COL4A6: variants seen among roughly 807,000 people sequenced by gnomAD.
The protein encoded by COL4A6 is collagen alpha-6(IV) chain.
In COL4A6, 59 loss-of-function variants were observed where a neutral mutation model predicts 126.7. That is an observed-to-expected ratio of 0.47 (90% CI 0.38 to 0.58). The LOEUF is 0.58. Ranked by LOEUF, COL4A6 falls within the 20% of genes least tolerant of loss-of-function variation. The pLI is 0.00. For synonymous variants in COL4A6, 547 were observed against 496.6 expected (o/e 1.10, Z -1.35); for missense variants, 1,285 against 1,337.3 (o/e 0.96, Z 0.61).
chrX:108,394,567 A>G (rs1349735393), intron 2 of COL4A6, among the ~76,000 whole-genome samples: 1 of 112,021 alleles, frequency 8.9e-6, no homozygotes, highest in African/African-American at 3.2e-5. Flanking sequence ...TCTTATTTTT[A>G]GCCTGTTCAT....
chrX:108,335,288 T>C (rs1205844717), intron 2 of COL4A6, among the ~76,000 whole-genome samples: 2 of 112,031 alleles, frequency 1.8e-5, no homozygotes, highest in East Asian at 5.6e-4. Context: ...CCTTATCCCA[T>C]CTATTATTCA....
At chrX:108,425,727 C>CACACAA (rs1290559323) in intron 2 of COL4A6, among the ~76,000 whole-genome samples, 1 of 106,147 alleles carries the variant, frequency 9.4e-6, no homozygotes. Context: ...GCACAACACA[C>CACACAA]ACACAAACAC....
intron 2 of COL4A6, among the ~76,000 whole-genome samples, chrX:108,420,161 C>T (rs2041506642): frequency 9.0e-6 from 1 of 111,626 alleles, no homozygotes; most frequent in Non-Finnish European, 1.9e-5. Flanking sequence ...TAGGATAATA[C>T]TTGATGTCCC....
In COL4A6 at chrX:108,161,722, T is replaced by C. The variant is rs1233024370; in HGVS notation, c.4230A>G (p.Leu1410=). The C allele has an allele frequency of 1.7e-6, 2 of 1,199,993 alleles. No individual in the cohort carries two copies. The change falls in exon 42 of 45, where the codon TTA becomes TTG. Residue 1410 remains leucine (L), a synonymous_variant. Transcript: ENST00000334504. ...GPVGLQGSKG[L]PGIPGKDGPS... ...GGCCATCTTTACCGGGGATGCCAGG[T>C]AAACCTTTGGAGCCTGCAGGAGAGA...
At chrX:108,248,292 G>A (rs928246905) in intron 3 of COL4A6, among the ~76,000 whole-genome samples, 4 of 111,397 alleles carry the variant, frequency 3.6e-5, no homozygotes, top group African/African-American at 9.8e-5. Context: ...GATCAAAAAG[G>A]TTTTGAGGAT....
chrX:108,330,699 C>G (rs1161304961), intron 2 of COL4A6, among the ~76,000 whole-genome samples: 1 of 111,035 alleles, frequency 9.0e-6, no homozygotes, highest in Non-Finnish European at 1.9e-5. Context: ...GCAGGAGCAT[C>G]TGTGTGCCCG....
chrX:108,175,266 G>A, intron 29 of COL4A6, 51 bp from the exon 30 acceptor site: 2 of 1,113,531 alleles, frequency 1.8e-6, no homozygotes, highest in Middle Eastern at 2.6e-4. Context: ...GCAGGGTCAG[G>A]CAAAGGCTGA....
chrX:108,398,949 G>T (rs2041027641), intron 2 of COL4A6, among the ~76,000 whole-genome samples: 1 of 111,683 alleles, frequency 9.0e-6, no homozygotes, highest in African/African-American at 3.2e-5. Context: ...GAGTGTCAGG[G>T]CAGAATAAGC....
At chrX:108,320,116 C>T (rs945370379) in intron 2 of COL4A6, among the ~76,000 whole-genome samples, 2 of 111,584 alleles carry the variant, frequency 1.8e-5, no homozygotes, top group African/African-American at 6.5e-5. Flanking sequence ...CTCAGTGAAA[C>T]AAGAATCAAG....
intron 3 of COL4A6, among the ~76,000 whole-genome samples, chrX:108,307,914 G>A (rs969177211): frequency 3.6e-5 from 4 of 111,867 alleles, no homozygotes; most frequent in Non-Finnish European, 7.5e-5. Context: ...TTCTGCATGA[G>A]CATCGGTCTT....
intron 2 of COL4A6, among the ~76,000 whole-genome samples, chrX:108,335,335 C>A (rs1338166002): frequency 2.7e-5 from 3 of 112,009 alleles, no homozygotes; most frequent in Non-Finnish European, 3.8e-5. Context: ...TATTTATATT[C>A]TTGGTTTACA....
chrX:108,250,572 G>A (rs2036827193), intron 3 of COL4A6, among the ~76,000 whole-genome samples: 1 of 110,029 alleles, frequency 9.1e-6, no homozygotes, highest in Non-Finnish European at 1.9e-5. Context: ...ATCTCGGGAG[G>A]ACAGGGCCCT....
intron 2 of COL4A6, among the ~76,000 whole-genome samples, chrX:108,418,119 T>A (rs1299868081): frequency 8.9e-6 from 1 of 112,085 alleles, no homozygotes; most frequent in East Asian, 2.8e-4. Flanking sequence ...GAAGCAATGG[T>A]GCTTTTCTAG....
rs2034896939 is a variant in COL4A6 at position 108,187,278 on chromosome X, C to T, written c.1769G>A (p.Gly590Asp). ...PGLPGLPGLP[G>D]DGGQGFPGEK... The stretch of plus-strand genomic sequence containing the variant: ...ACCTGGGAAGCCCTGTCCACCATCA[C>T]CCTAGACAACATATAAAACAAAGAA... Residue 590 changes from glycine to aspartate, a missense_variant and splice_region_variant, in exon 23 of 45, where the codon GGT (glycine) becomes GAT (aspartate). Gly to Asp is a moderately conservative substitution (Grantham distance 94). Transcript: ENST00000334504. The T allele has an allele frequency of 8.9e-7, 1 of 1,118,179 alleles. No individual in the cohort carries two copies. The highest frequency in any genetic ancestry group is 1.2e-6 in the Non-Finnish European group (1 of 843,091). 92.2% of individuals were successfully genotyped at this position (1,118,179 alleles called of 1,213,427 possible). A position where few individuals can be genotyped will look rare whatever the true frequency, so the allele number is the denominator to read the frequency against.
chrX:108,192,478 A>G lies in COL4A6; in HGVS notation c.1175T>C (p.Leu392Ser). Residue 392 changes from leucine (L) to serine (S), a missense_variant, in exon 18 of 45, where the codon TTA (leucine) becomes TCA (serine). Coordinates refer to ENST00000334504, the MANE Select transcript of COL4A6 (RefSeq NM_033641.4). The part of the protein sequence containing the change: ...GPSGVPGLPA[L>S]SGVPGALGPQ... ...AATGGGTTAGTTTTTTTCACCTGAT[A>G]ATGCTGGCAATCCAGGGACACCAGA... 1 of 1,201,984 alleles carries G rather than the reference A, an allele frequency of 8.3e-7. No individual in the cohort carries two copies. The highest frequency in any genetic ancestry group is 1.1e-6 in the Non-Finnish European group (1 of 887,911).
rs1055730421 is a variant in COL4A6, at chrX:108,356,828, C to A, written c.64-46000G>T. 3.6e-5 allele frequency among the ~76,000 whole-genome samples: 4 copies of A among 109,949 alleles called. No homozygotes were observed. In the East Asian group the frequency reaches 1.1e-3, roughly 31 times the overall value. On this transcript the variant is annotated intron_variant, in intron 2 of 44. Coordinates refer to ENST00000334504, the MANE Select transcript of COL4A6 (RefSeq NM_033641.4). ...ACAGCTCAGGGATGTAATCATCATT[C>A]TTTATTTTCCTGGAATTTTTCATCT...
intron 2 of COL4A6, among the ~76,000 whole-genome samples, chrX:108,392,335 T>C (rs1232216494): frequency 2.7e-5 from 3 of 109,526 alleles, no homozygotes; most frequent in African/African-American, 1.0e-4. Flanking sequence ...ACCCACACAA[T>C]GGGAAAAAAT....
chrX:108,163,059 T>G, intron 40 of COL4A6, 21 bp from the exon 41 acceptor site: 1 of 1,185,728 alleles, frequency 8.4e-7, no homozygotes, highest in Non-Finnish European at 1.1e-6. Context: ...GTGGGGGAAA[T>G]AAGAACATCA....
intron 2 of COL4A6, among the ~76,000 whole-genome samples, chrX:108,369,112 A>C (rs2040268506): frequency 8.9e-6 from 1 of 111,879 alleles, no homozygotes; most frequent in African/African-American, 3.3e-5. Context: ...CTTTTATACA[A>C]CTGGCAGTGC....
Sources: gnomAD v4.1 joint callset for allele counts (sites outside exome capture counted in the v4.1 genomes callset) on GRCh38, gnomAD v4.1.1 for gene constraint, MANE v1.5 for transcripts, NCBI Gene and HGNC (gene_info 2026-07-23, HGNC 2026-07-21) for gene names.